OSBPL8: variants seen among roughly 807,000 people sequenced by gnomAD.
OSBPL8 encodes the protein oxysterol-binding protein-related protein 8.
A neutral mutation model predicts 125.5 loss-of-function variants in OSBPL8; 59 were observed. That is an observed-to-expected ratio of 0.47 (90% CI 0.38 to 0.58). OSBPL8 has a LOEUF of 0.58. Among genes scored for constraint, OSBPL8 ranks in the 20% least tolerant of loss-of-function variants. The pLI, the probability that OSBPL8 is intolerant of heterozygous loss-of-function variation, is 0.00. For missense variants in OSBPL8, 758 were observed against 1,047.8 expected (o/e 0.72, Z 3.82); for synonymous variants, 330 against 338.9 (o/e 0.97, Z 0.29).
In OSBPL8 at chr12:76,400,792, C is replaced by CTT. The variant is rs879470526; in HGVS notation, c.367-820_367-819dup. 4.0e-3 allele frequency among the ~76,000 whole-genome samples: 553 copies of CTT among 137,070 alleles called. 5 individuals carry two copies. The highest frequency in any genetic ancestry group is 0.014 in the African/African-American group (521 of 37,356). 89.9% of individuals were successfully genotyped at this position (137,070 alleles called of 152,430 possible). On this transcript the variant is annotated intron_variant, in intron 6 of 23. Transcript: ENST00000261183. ...CTATGTATCTTTTAAATAATTTTAC[C>CTT]TTTTTTTTTTTTTTTTGAGACAGTC...
At chr12:76,472,270 T>A (rs903189899) in intron 2 of OSBPL8, among the ~76,000 whole-genome samples, 4 of 152,180 alleles carry the variant, frequency 2.6e-5, no homozygotes, top group Admixed American at 6.5e-5. Flanking sequence ...AAATTGGTCT[T>A]TAGTATCTTC....
intron 8 of OSBPL8, among the ~76,000 whole-genome samples, chr12:76,397,348 G>C (rs1328972505): frequency 1.4e-5 from 2 of 144,386 alleles, no homozygotes; most frequent in African/African-American, 5.1e-5. Context: ...GGGGTGGGGA[G>C]GGGGGGTGGG....
intron 4 of OSBPL8, among the ~76,000 whole-genome samples, chr12:76,438,569 T>G (rs1227888569): frequency 6.6e-6 from 1 of 152,216 alleles, no homozygotes; most frequent in Admixed American, 6.5e-5. Context: ...CTGGCAAAAT[T>G]TGAAATATTT....
intron 17 of OSBPL8, among the ~76,000 whole-genome samples, chr12:76,374,062 G>A (rs1952721587): frequency 6.6e-6 from 1 of 151,922 alleles, no homozygotes; most frequent in South Asian, 2.1e-4. Flanking sequence ...ATTTTGCCAA[G>A]GTGAAAGAAA....
chr12:76,355,900 T>A lies in OSBPL8; in HGVS notation c.2659A>T (p.Met887Leu), dbSNP rs569766867. 59 of 1,613,446 alleles carry A rather than the reference T, an allele frequency of 3.7e-5. No homozygotes were observed. The African/African-American group carries it at 7.3e-4, about 20-fold the overall frequency. ...LILLQVIINF[M>L]FK ...ATGGTAGAGAACTTCTACTTGAACA[T>A]GAAGTTTATTATGACTTGAAGCAAA... is the stretch of plus-strand genomic sequence containing the variant. The change falls in exon 24 of 24, where the codon ATG becomes TTG. Residue 887 changes from methionine to leucine, a missense_variant. Around this residue, in one of 3 missense-constraint regions of OSBPL8, gnomAD observed 572 missense variants for 762.0 expected, o/e 0.75. Transcript: ENST00000261183.
intron 4 of OSBPL8, among the ~76,000 whole-genome samples, chr12:76,430,371 T>C (rs1870665854): frequency 3.3e-5 from 5 of 152,140 alleles, no homozygotes; most frequent in Admixed American, 3.3e-4. Flanking sequence ...TCAGAGGTAG[T>C]ACCATGGGTC....
At chr12:76,526,610 T>C (rs1449400884) in intron 1 of OSBPL8, among the ~76,000 whole-genome samples, 1 of 146,102 alleles carries the variant, frequency 6.8e-6, no homozygotes, top group Non-Finnish European at 1.5e-5. Context: ...GATACACAAA[T>C]GTTATACTTG....
chr12:76,471,593 C>G (rs1051815881), intron 2 of OSBPL8, among the ~76,000 whole-genome samples: 8 of 152,322 alleles, frequency 5.3e-5, no homozygotes, highest in Admixed American at 4.6e-4. Context: ...ATACCGATAT[C>G]ATAGAGAGCC....
chr12:76,474,939 T>C (rs1461731369), intron 2 of OSBPL8, among the ~76,000 whole-genome samples: 1 of 152,192 alleles, frequency 6.6e-6, no homozygotes, highest in Non-Finnish European at 1.5e-5. Context: ...TTTGAAGCAG[T>C]CACAACTTAA....
At chr12:76,462,334 T>C (rs921274616) in intron 2 of OSBPL8, among the ~76,000 whole-genome samples, 4 of 152,212 alleles carry the variant, frequency 2.6e-5, no homozygotes, top group Middle Eastern at 3.2e-3. Context: ...GCTCCAAAAA[T>C]GTCCAAGCAT....
chr12:76,518,230 G>A (rs1259844574), intron 1 of OSBPL8, among the ~76,000 whole-genome samples: 1 of 152,080 alleles, frequency 6.6e-6, no homozygotes, highest in Non-Finnish European at 1.5e-5. Flanking sequence ...CAAAAGAAAG[G>A]GGCAACAGGC....
intron 2 of OSBPL8, among the ~76,000 whole-genome samples, chr12:76,465,509 A>G (rs1377449545): frequency 2.0e-5 from 3 of 151,826 alleles, no homozygotes; most frequent in Non-Finnish European, 4.4e-5. Context: ...ACAGTGAGCC[A>G]AGATCACGCC....
chr12:76,381,732 T>C (rs1953062681), intron 15 of OSBPL8, among the ~76,000 whole-genome samples: 1 of 147,778 alleles, frequency 6.8e-6, no homozygotes, highest in South Asian at 2.1e-4. Flanking sequence ...TTTACTTTCT[T>C]TTTTTTTTTT....
chr12:76,359,627 G>A (rs765458922), intron 21 of OSBPL8, among the ~76,000 whole-genome samples: 36 of 152,268 alleles, frequency 2.4e-4, no homozygotes, highest in Non-Finnish European at 4.1e-4. Context: ...TGAAAAGGAG[G>A]TTTAATTTGA....
intron 2 of OSBPL8, among the ~76,000 whole-genome samples, chr12:76,478,480 C>T (rs1252571635): frequency 1.3e-5 from 2 of 152,160 alleles, no homozygotes; most frequent in African/African-American, 4.8e-5. Flanking sequence ...TCTGCTGTTA[C>T]ATTCTGTATG....
intron 16 of OSBPL8, among the ~76,000 whole-genome samples, chr12:76,378,139 GATTCTGAAATAA>G (rs1380200135): frequency 1.4e-4 from 22 of 152,160 alleles, no homozygotes; most frequent in Non-Finnish European, 2.5e-4. Flanking sequence ...CATCTTTACA[GATTCTGAAATAA>G]TAGACGGTTT....
chr12:76,443,357 T>C (rs981405978), intron 4 of OSBPL8, among the ~76,000 whole-genome samples: 1 of 152,080 alleles, frequency 6.6e-6, no homozygotes, highest in Non-Finnish European at 1.5e-5. Context: ...TTGATAATAA[T>C]CTCAAACAGG....
intron 1 of OSBPL8, among the ~76,000 whole-genome samples, chr12:76,533,159 T>C (rs1950395462): frequency 6.6e-6 from 1 of 152,192 alleles, no homozygotes; most frequent in South Asian, 2.1e-4. Flanking sequence ...ATATATCCTA[T>C]CATAAGAAAA....
At chr12:76,532,396 T>A (rs1201161313) in intron 1 of OSBPL8, among the ~76,000 whole-genome samples, 1 of 152,156 alleles carries the variant, frequency 6.6e-6, no homozygotes, top group African/African-American at 2.4e-5. Context: ...TTAAAAATCA[T>A]CTCCCTTCGT....
Sources: gnomAD v4.1 joint callset for allele counts (sites outside exome capture counted in the v4.1 genomes callset) on GRCh38, gnomAD v4.1.1 for gene constraint, gnomAD v4.1.1 regional missense constraint, MANE v1.5 for transcripts, NCBI Gene and HGNC (gene_info 2026-07-23, HGNC 2026-07-21) for gene names.